GRID2: variants seen among roughly 807,000 people sequenced by gnomAD.
GRID2 encodes glutamate ionotropic receptor delta type subunit 2, also known as glutamate receptor ionotropic, delta-2.
In GRID2, 33 loss-of-function variants were observed where a neutral mutation model predicts 114.8. The ratio of observed to expected loss-of-function variants is 0.29; its 90% CI spans 0.22 to 0.38. The LOEUF (loss-of-function observed/expected upper bound fraction) is 0.38. Ranked by LOEUF, GRID2 falls within the 10% of genes least tolerant of loss-of-function variation. The probability of loss-of-function intolerance (pLI) is 1.00; values close to 1 mark genes in which losing one functional copy is unlikely to be tolerated. For synonymous variants in GRID2, 505 were observed against 449.9 expected (o/e 1.12, Z -1.55); for missense variants, 1,184 against 1,257.7 (o/e 0.94, Z 0.89).
chr4:93,692,379 C>T (rs1726646059), intron 14 of GRID2, among the ~76,000 whole-genome samples: 1 of 152,080 alleles, frequency 6.6e-6, no homozygotes, highest in Non-Finnish European at 1.5e-5. Context: ...CCTGGAAAAG[C>T]CCTATAAATG....
At chr4:92,940,279 C>G (rs1051340548) in intron 2 of GRID2, among the ~76,000 whole-genome samples, 1 of 146,992 alleles carries the variant, frequency 6.8e-6, no homozygotes, top group Non-Finnish European at 1.5e-5. Flanking sequence ...AGAGGTCCTT[C>G]ACATCCCTTG....
At chr4:92,584,414 C>T (rs778484008) in intron 1 of GRID2, among the ~76,000 whole-genome samples, 6 of 151,916 alleles carry the variant, frequency 3.9e-5, no homozygotes, top group African/African-American at 4.8e-5. Context: ...GCATCTAAAA[C>T]AGAAAGGATA....
At chr4:93,501,291 T>G (rs1728079610) in intron 12 of GRID2, among the ~76,000 whole-genome samples, 1 of 152,046 alleles carries the variant, frequency 6.6e-6, no homozygotes, top group African/African-American at 2.4e-5. Context: ...CCACTCACTC[T>G]TCAGTCTTCC....
chr4:92,896,994 G>A (rs547575547), intron 2 of GRID2, among the ~76,000 whole-genome samples: 4 of 151,816 alleles, frequency 2.6e-5, no homozygotes, highest in Non-Finnish European at 5.9e-5. Context: ...CACCTTCCTC[G>A]GTCTCCCAAA....
At chr4:93,005,579 T>C (rs1346236574) in intron 2 of GRID2, among the ~76,000 whole-genome samples, 2 of 152,068 alleles carry the variant, frequency 1.3e-5, no homozygotes, top group African/African-American at 2.4e-5. Flanking sequence ...AAAACAGGTA[T>C]GCAAATAAAT....
chr4:92,495,152 A>C (rs1427013961), intron 1 of GRID2, among the ~76,000 whole-genome samples: 6 of 151,994 alleles, frequency 3.9e-5, no homozygotes, highest in Admixed American at 6.6e-5. Flanking sequence ...CTCACGAGAG[A>C]GTGTCTAGAT....
At chr4:92,421,589 A>G (rs1217672672) in intron 1 of GRID2, among the ~76,000 whole-genome samples, 3 of 152,282 alleles carry the variant, frequency 2.0e-5, no homozygotes, top group African/African-American at 7.2e-5. Flanking sequence ...TAGTGGGTCC[A>G]AGGCTGCTGT....
chr4:92,756,347 C>T (rs80321313), intron 2 of GRID2, among the ~76,000 whole-genome samples: 4,060 of 152,108 alleles, frequency 0.027, 108 homozygotes, highest in East Asian at 0.12. Flanking sequence ...CATCTCTTGA[C>T]GGACACTTAG....
At chr4:92,501,684 G>C (rs1294358300) in intron 1 of GRID2, among the ~76,000 whole-genome samples, 1 of 152,048 alleles carries the variant, frequency 6.6e-6, no homozygotes, top group Non-Finnish European at 1.5e-5. Context: ...TGTATGACCT[G>C]GTTGCTTAGC....
chr4:93,807,583 T>C (rs138368009), exon 2 of GRID2: 2 of 152,208 alleles, frequency 1.3e-5, no homozygotes, highest in Non-Finnish European at 2.9e-5. Flanking sequence ...ACATGTGTCA[T>C]TGTAAACAAA....
intron 1 of GRID2, among the ~76,000 whole-genome samples, chr4:92,480,989 G>A (rs539606697): frequency 1.3e-4 from 20 of 152,142 alleles, no homozygotes; most frequent in South Asian, 6.2e-4. Flanking sequence ...GTCTAGTTTC[G>A]TGAGGTTTCT....
intron 1 of GRID2, among the ~76,000 whole-genome samples, chr4:93,804,966 C>A (rs1735003406): frequency 6.6e-6 from 1 of 152,188 alleles, no homozygotes; most frequent in African/African-American, 2.4e-5. Context: ...TATCTCCCAA[C>A]CAGATTATGA....
At chr4:92,540,167 AT>A (rs1486378973) in intron 1 of GRID2, among the ~76,000 whole-genome samples, 3 of 152,220 alleles carry the variant, frequency 2.0e-5, no homozygotes, top group African/African-American at 7.2e-5. Context: ...AAAGACTTCA[AT>A]GTTAGACCTA....
chr4:93,677,794 C>T (rs1481937557), intron 14 of GRID2, among the ~76,000 whole-genome samples: 1 of 152,078 alleles, frequency 6.6e-6, no homozygotes, highest in Non-Finnish European at 1.5e-5. Context: ...TCACCAGCAT[C>T]AAAGACCAAA....
At chr4:93,185,356 A>G (rs1261451425) in intron 4 of GRID2, among the ~76,000 whole-genome samples, 1 of 152,158 alleles carries the variant, frequency 6.6e-6, no homozygotes, top group Non-Finnish European at 1.5e-5. Context: ...TTACCCTGGG[A>G]ATGTCATTGA....
At chr4:92,444,704 T>G (rs1466942822) in intron 1 of GRID2, among the ~76,000 whole-genome samples, 3 of 152,172 alleles carry the variant, frequency 2.0e-5, no homozygotes, top group Non-Finnish European at 4.4e-5. Context: ...CTTCTCTTTT[T>G]AAATATCCGT....
chr4:93,604,978 T>C (rs1740069170), intron 13 of GRID2, among the ~76,000 whole-genome samples: 1 of 152,212 alleles, frequency 6.6e-6, no homozygotes, highest in South Asian at 2.1e-4. Context: ...GTTTTAATGC[T>C]GTGGTCTGGA....
At chr4:93,153,828 G>T (rs578098455) in intron 4 of GRID2, among the ~76,000 whole-genome samples, 1 of 151,966 alleles carries the variant, frequency 6.6e-6, no homozygotes, top group East Asian at 1.9e-4. Context: ...TCTTCCAGAC[G>T]CAAAGTTGTT....
chr4:93,248,905 T>C (rs1392143730), intron 8 of GRID2, among the ~76,000 whole-genome samples: 1 of 152,194 alleles, frequency 6.6e-6, no homozygotes, highest in Non-Finnish European at 1.5e-5. Context: ...ATTGGAGCTA[T>C]TTAGACATCA....
Sources: gnomAD v4.1 joint callset for allele counts (sites outside exome capture counted in the v4.1 genomes callset) on GRCh38, gnomAD v4.1.1 for gene constraint, MANE v1.5 for transcripts, NCBI Gene and HGNC (gene_info 2026-07-23, HGNC 2026-07-21) for gene names.